Variants in ZNF254 observed in about 807,000 individuals in gnomAD.
ZNF254 encodes the protein CTD-2017D11.1.
Under a neutral mutation model 12.4 loss-of-function variants are expected in ZNF254, and 10 were observed. That is an observed-to-expected ratio of 0.80 (90% CI 0.50 to 1.36). The LOEUF (loss-of-function observed/expected upper bound fraction) is 1.36. Among genes scored for constraint, ZNF254 ranks in the 40% most tolerant of loss-of-function variants. The pLI, the probability that ZNF254 is intolerant of heterozygous loss-of-function variation, is 0.00. For synonymous variants in ZNF254, 305 were observed against 253.4 expected, an observed-to-expected ratio of 1.20 and a Z score of -1.93; for missense variants, 996 against 763.9, an observed-to-expected ratio of 1.30 and a Z score of -3.58.
intron 1 of ZNF254, among the ~76,000 whole-genome samples, chr19:24,091,219 A>G (rs1266725086): frequency 6.6e-6 from 1 of 151,960 alleles, no homozygotes; most frequent in Non-Finnish European, 1.5e-5. Context: ...TGCTGGGATT[A>G]CAGGCATCAA....
chr19:24,110,145 CTT>C (rs1409449467), intron 3 of ZNF254, among the ~76,000 whole-genome samples: 1 of 152,070 alleles, frequency 6.6e-6, no homozygotes, highest in East Asian at 1.9e-4. Flanking sequence ...GAGAAAAACA[CTT>C]TTGTGATTTG....
chr19:24,049,610 G>T (rs1273144630), intron 2 of ZNF254: 1 of 152,110 alleles, frequency 6.6e-6, no homozygotes, highest in Non-Finnish European at 1.5e-5. Flanking sequence ...ATATTGCTGG[G>T]TCTTGTACCC....
chr19:24,061,165 A>G (rs757334256), intron 2 of ZNF254, among the ~76,000 whole-genome samples: 17 of 151,426 alleles, frequency 1.1e-4, no homozygotes, highest in Non-Finnish European at 2.4e-4. Flanking sequence ...GGTTCAACAC[A>G]TGGGTGATTC....
chr19:24,068,558 C>T (rs532659331), intron 2 of ZNF254, among the ~76,000 whole-genome samples: 9 of 152,184 alleles, frequency 5.9e-5, no homozygotes, highest in Non-Finnish European at 1.3e-4. Flanking sequence ...GCCTTGGCCT[C>T]CCAAAGTGCT....
chr19:24,120,510 G>T (rs770190120), intron 3 of ZNF254, among the ~76,000 whole-genome samples: 7 of 151,964 alleles, frequency 4.6e-5, no homozygotes, highest in Non-Finnish European at 1.0e-4. Flanking sequence ...AGCTTTAAGG[G>T]TTTTATGCAT....
In ZNF254 at chr19:24,042,078, G is replaced by A. The variant is rs1189368586; in HGVS notation, c.-189-4106G>A. Among the ~76,000 whole-genome samples, 12 of 136,902 alleles carry A rather than the reference G, an allele frequency of 8.8e-5. No homozygotes were observed. The East Asian group carries it at 2.0e-3, about 22-fold the overall frequency. 89.8% of individuals were successfully genotyped at this position (136,902 alleles called of 152,430 possible). ...CTCAAGGATTGTAAATACACCAATC[G>A]GCACTCTGTATCTAGCTCAAGGTTT... On this transcript the variant is annotated intron_variant, in intron 1 of 4. Coordinates refer to the ZNF254 transcript ENST00000613065.
intron 1 of ZNF254, among the ~76,000 whole-genome samples, chr19:24,095,835 G>A (rs1249138388): frequency 1.3e-5 from 2 of 151,882 alleles, no homozygotes. Context: ...ATTTTGTAAA[G>A]TTTTTATGTC....
chr19:24,049,212 A>ATTTTTTTTTTT (rs1179977299), intron 2 of ZNF254, among the ~76,000 whole-genome samples: 1 of 42,250 alleles, frequency 2.4e-5, no homozygotes, highest in African/African-American at 1.0e-4. Context: ...ATATATATAT[A>ATTTTTTTTTTT]TATTTTTTTT....
intron 3 of ZNF254, among the ~76,000 whole-genome samples, chr19:24,111,640 C>T (rs1172166420): frequency 2.6e-5 from 4 of 152,208 alleles, no homozygotes; most frequent in African/African-American, 9.7e-5. Context: ...TTAATGATCG[C>T]CATTCTAACT....
rs559372958 is a variant in ZNF254 at position 24,062,715 on chromosome 19, C to T, written c.-94+16436C>T. 3.0e-4 allele frequency among the ~76,000 whole-genome samples: 45 copies of T among 152,314 alleles called. No individual in the cohort carries two copies. In the South Asian group the frequency reaches 5.6e-3, roughly 19 times the overall value. Reference sequence around the variant, plus strand: ...AGCTGAGTGTTGGAAAATTGACTCTCATTTGTGGATTTTTGTCCACAGTTG... The same window carrying T: ...AGCTGAGTGTTGGAAAATTGACTCTTATTTGTGGATTTTTGTCCACAGTTG... On this transcript the variant is annotated intron_variant, in intron 2 of 4. Coordinates refer to the ZNF254 transcript ENST00000613065.
intron 3 of ZNF254, among the ~76,000 whole-genome samples, chr19:24,118,140 C>T (rs1217626635): frequency 6.6e-6 from 1 of 151,560 alleles, no homozygotes; most frequent in Non-Finnish European, 1.5e-5. Context: ...GCAACCTCCG[C>T]CTCCCGGGTT....
In ZNF254 at chr19:24,128,823, T is replaced by C. The variant is rs952464532; in HGVS notation, c.*843T>C. ...AGAAAATAATACAAACAGATTTGTC[T>C]AAACATTTGTATATAACTTTAAAAA... is the stretch of plus-strand genomic sequence containing the variant. On this transcript the variant is annotated 3_prime_UTR_variant, in exon 4 of 4. Coordinates refer to ENST00000357002, the MANE Select transcript of ZNF254 (RefSeq NM_203282.4). The C allele has an allele frequency of 3.3e-5, 5 of 152,060 alleles. No homozygotes were observed. The highest frequency in any genetic ancestry group is 7.4e-5 in the Non-Finnish European group (5 of 67,918). 9.4% of individuals were successfully genotyped at this position (152,060 alleles called of 1,614,324 possible). A position where few individuals can be genotyped will look rare whatever the true frequency, so the allele number is the denominator to read the frequency against.
At chr19:24,070,144 T>C (rs1971429736) in intron 2 of ZNF254, among the ~76,000 whole-genome samples, 1 of 152,212 alleles carries the variant, frequency 6.6e-6, no homozygotes, top group African/African-American at 2.4e-5. Flanking sequence ...CTCTCCTATA[T>C]TGATCAGCCA....
intron 3 of ZNF254, among the ~76,000 whole-genome samples, chr19:24,113,264 T>C (rs1054554608): frequency 2.6e-5 from 4 of 152,146 alleles, no homozygotes; most frequent in Non-Finnish European, 4.4e-5. Flanking sequence ...TTGATGAACA[T>C]CGATGCAAAA....
At chr19:24,037,618 A>T (rs188695931) in intron 1 of ZNF254, among the ~76,000 whole-genome samples, 1,770 of 146,622 alleles carry the variant, frequency 0.012, 11 homozygotes, top group Non-Finnish European at 0.018. Flanking sequence ...TTTATTTTTT[A>T]TTTTTTTTGA....
At chr19:24,053,259 C>A (rs1384417427) in intron 2 of ZNF254, among the ~76,000 whole-genome samples, 1 of 152,186 alleles carries the variant, frequency 6.6e-6, no homozygotes, top group Admixed American at 6.5e-5. Context: ...TTCTCATGCA[C>A]AAATCCAGAC....
intron 3 of ZNF254, among the ~76,000 whole-genome samples, chr19:24,109,167 G>A (rs1441804600): frequency 6.6e-6 from 1 of 152,094 alleles, no homozygotes; most frequent in African/African-American, 2.4e-5. Context: ...AAAATAACAT[G>A]TATTTAAAAC....
At chr19:24,034,188 C>G (rs893137966) in intron 1 of ZNF254, among the ~76,000 whole-genome samples, 3 of 152,112 alleles carry the variant, frequency 2.0e-5, no homozygotes, top group Non-Finnish European at 4.4e-5. Context: ...CTCAAGTGAT[C>G]CGCCCGCCTC....
intron 3 of ZNF254, among the ~76,000 whole-genome samples, chr19:24,118,863 G>C (rs1599754192): frequency 6.6e-6 from 1 of 152,040 alleles, no homozygotes; most frequent in East Asian, 1.9e-4. Flanking sequence ...TATAATCCTA[G>C]CACTTTGGGG....
Sources: allele counts gnomAD v4.1 joint callset (sites outside exome capture counted in the v4.1 genomes callset), GRCh38; gene constraint gnomAD v4.1.1; transcripts MANE v1.5; gene names NCBI Gene and HGNC (gene_info 2026-07-23, HGNC 2026-07-21).